The following XYLT1 variants were observed in gnomAD, a reference collection of about 807,000 sequenced individuals.
The protein encoded by XYLT1 is beta-D-xylosyltransferase 1.
In XYLT1, 36 loss-of-function variants were observed where a neutral mutation model predicts 91.3. That is an observed-to-expected ratio of 0.39 (90% confidence interval 0.30 to 0.52). XYLT1 has a LOEUF of 0.52. Ranked by LOEUF, XYLT1 falls within the 20% of genes least tolerant of loss-of-function variation. The pLI, the probability that XYLT1 is intolerant of heterozygous loss-of-function variation, is 0.68. For synonymous variants in XYLT1, 588 were observed against 532.0 expected, an observed-to-expected ratio of 1.11 and a Z score of -1.45; for missense variants, 1,242 against 1,284.5, an observed-to-expected ratio of 0.97 and a Z score of 0.51.
At chr16:17,371,706 T>G (rs1596508746) in intron 1 of XYLT1, among the ~76,000 whole-genome samples, 1 of 152,212 alleles carries the variant, frequency 6.6e-6, no homozygotes, top group Non-Finnish European at 1.5e-5. Flanking sequence ...TGGTGGCAGG[T>G]GCAGCATATT....
intron 2 of XYLT1, among the ~76,000 whole-genome samples, chr16:17,289,042 T>C (rs182234708): frequency 2.0e-5 from 3 of 152,296 alleles, no homozygotes. Flanking sequence ...TTCTACACCA[T>C]TGTAAGTTTT....
intron 8 of XYLT1, 192 bp downstream of exon 8, chr16:17,138,163 G>GGTTAGACCATCCCTGAA: frequency 1.7e-6 from 1 of 589,480 alleles, no homozygotes; most frequent in South Asian, 2.8e-5. Context: ...GAGTCAATGT[G>GGTTAGACCATCCCTGAA]GTTAGAACAT....
intron 5 of XYLT1, among the ~76,000 whole-genome samples, chr16:17,170,557 G>A (rs2031798225): frequency 6.6e-6 from 1 of 152,112 alleles, no homozygotes; most frequent in Non-Finnish European, 1.5e-5. Flanking sequence ...CTACACCTTT[G>A]CCTAGAGAAC....
intron 2 of XYLT1, among the ~76,000 whole-genome samples, chr16:17,349,114 C>T (rs2035185312): frequency 6.6e-6 from 1 of 152,210 alleles, no homozygotes; most frequent in African/African-American, 2.4e-5. Context: ...GGTGCCACTG[C>T]TGTGCTCACC....
intron 6 of XYLT1, among the ~76,000 whole-genome samples, chr16:17,156,141 G>T (rs546529944): frequency 4.6e-5 from 7 of 152,236 alleles, no homozygotes; most frequent in African/African-American, 1.7e-4. Flanking sequence ...TAAGTCACTC[G>T]TCCAATGCAA....
chr16:17,286,889 T>G (rs1189627791), intron 2 of XYLT1, among the ~76,000 whole-genome samples: 2 of 152,104 alleles, frequency 1.3e-5, no homozygotes, highest in Non-Finnish European at 2.9e-5. Context: ...TGAGGAAACT[T>G]ACGTTCAGAG....
intron 1 of XYLT1, among the ~76,000 whole-genome samples, chr16:17,453,370 G>A (rs2036693110): frequency 6.6e-6 from 1 of 152,144 alleles, no homozygotes; most frequent in South Asian, 2.1e-4. Flanking sequence ...ACAAGCCCCA[G>A]AAAGAATATT....
Position 17,470,634 on chromosome 16 carries a change from C to G in XYLT1, c.163G>C (p.Glu55Gln). Residue 55 changes from glutamate to glutamine, a missense_variant, in exon 1 of 12, where the codon GAG becomes CAG. Around this residue, in one of 3 missense-constraint regions of XYLT1, gnomAD observed 437 missense variants for 411.5 expected, o/e 1.06. Coordinates refer to ENST00000261381, the MANE Select transcript of XYLT1 (RefSeq NM_022166.4). ...GGGGCCGGGGCCGGGGGCGGCTGCT[C>G]CCCGCCGCCGACCGCTGCGCCCCCG... is the stretch of plus-strand genomic sequence containing the variant. Reference protein sequence around the residue: ...RRGGAAVGGGEQPPPAPAPRR... With the variant: ...RRGGAAVGGGQQPPPAPAPRR... The G allele has an allele frequency of 3.6e-6, 4 of 1,106,806 alleles. No individual in the cohort carries two copies. Among genetic ancestry groups the G allele is most frequent in the Non-Finnish European group, 4.4e-6 (4 of 907,156 alleles). 68.6% of individuals were successfully genotyped at this position (1,106,806 alleles called of 1,614,324 possible).
intron 1 of XYLT1, among the ~76,000 whole-genome samples, chr16:17,374,414 A>G (rs993893707): frequency 2.6e-5 from 4 of 152,004 alleles, no homozygotes; most frequent in South Asian, 2.1e-4. Flanking sequence ...ATCAGCCTTC[A>G]CTCCTACTCC....
chr16:17,231,372 G>C (rs1357498375), intron 3 of XYLT1, among the ~76,000 whole-genome samples: 1 of 152,136 alleles, frequency 6.6e-6, no homozygotes, highest in Non-Finnish European at 1.5e-5. Context: ...GGCAGTGGGG[G>C]GCAGTGGGGT....
intron 3 of XYLT1, chr16:17,227,569 T>C (rs2033088673): frequency 6.6e-6 from 1 of 152,316 alleles, no homozygotes; most frequent in Admixed American, 6.5e-5. Context: ...AGTGATTGAT[T>C]AGCAATGTCT....
At chr16:17,145,111 A>G (rs994339515) in intron 6 of XYLT1, among the ~76,000 whole-genome samples, 10 of 152,246 alleles carry the variant, frequency 6.6e-5, no homozygotes, top group African/African-American at 2.4e-4. Flanking sequence ...ATATAAAGGC[A>G]GTCATACAAT....
Position 17,318,610 on chromosome 16 carries a change from C to T in XYLT1, c.402+39402G>A, listed in dbSNP as rs556214225. ...AATCCTGGGGTCAGTTATGCAGATC[C>T]GAAGCACTACTGGAATTCAGAACCT... is the stretch of plus-strand genomic sequence containing the variant. On this transcript the variant is annotated intron_variant, in intron 2 of 11. Coordinates refer to ENST00000261381, the MANE Select transcript of XYLT1 (RefSeq NM_022166.4). Among the ~76,000 whole-genome samples, 31 of 152,192 alleles carry T rather than the reference C, an allele frequency of 2.0e-4. No individual in the cohort carries two copies. The South Asian group carries it at 6.2e-3, about 31-fold the overall frequency.
chr16:17,114,788 C>T (rs928348503), intron 11 of XYLT1, among the ~76,000 whole-genome samples: 13 of 151,964 alleles, frequency 8.6e-5, no homozygotes, highest in East Asian at 1.9e-4. Flanking sequence ...CCTGTTTCTA[C>T]GAGTTTGTGT....
At chr16:17,179,642 C>A (rs2032022717) in intron 5 of XYLT1, among the ~76,000 whole-genome samples, 1 of 152,234 alleles carries the variant, frequency 6.6e-6, no homozygotes, top group African/African-American at 2.4e-5. Flanking sequence ...TCCCAACCCC[C>A]AGCAAAATGG....
intron 2 of XYLT1, among the ~76,000 whole-genome samples, chr16:17,337,480 C>T (rs137921594): frequency 7.9e-5 from 12 of 152,242 alleles, no homozygotes; most frequent in African/African-American, 2.2e-4. Flanking sequence ...CCACCATGCC[C>T]GGCCTCCTGA....
intron 1 of XYLT1, among the ~76,000 whole-genome samples, chr16:17,395,610 A>C (rs2035873948): frequency 6.6e-6 from 1 of 150,834 alleles, no homozygotes; most frequent in Admixed American, 6.6e-5. Flanking sequence ...ATTCTTGCTC[A>C]TTATAATACT....
chr16:17,109,949 G>A (rs574550684), intron 11 of XYLT1, among the ~76,000 whole-genome samples: 38 of 152,284 alleles, frequency 2.5e-4, no homozygotes, highest in African/African-American at 4.1e-4. Flanking sequence ...GCTTGGACCC[G>A]GGTGAGGTGG....
intron 9 of XYLT1, among the ~76,000 whole-genome samples, chr16:17,128,635 A>G (rs1033710726): frequency 6.6e-6 from 1 of 152,322 alleles, no homozygotes; most frequent in African/African-American, 2.4e-5. Flanking sequence ...ATGATTGCCA[A>G]TCTGAGATAA....
Sources: gnomAD v4.1 joint callset for allele counts (sites outside exome capture counted in the v4.1 genomes callset) on GRCh38, gnomAD v4.1.1 for gene constraint, gnomAD v4.1.1 regional missense constraint, MANE v1.5 for transcripts, NCBI Gene and HGNC (gene_info 2026-07-23, HGNC 2026-07-21) for gene names.